Variants in AUTS2 observed in about 807,000 individuals in gnomAD.
The protein encoded by AUTS2 is activator of transcription and developmental regulator AUTS2, also known as autism susceptibility gene 2 protein.
AUTS2 carries 17 observed loss-of-function variants against 112.4 expected under a neutral mutation model. The observed-to-expected ratio is 0.15, with a 90% CI of 0.10 to 0.23. The LOEUF is 0.23. AUTS2 is among the 10% of genes least tolerant of loss of function. The pLI is 1.00. For synonymous variants in AUTS2, 751 were observed against 702.7 expected (o/e 1.07, Z -1.09); for missense variants, 1,510 against 1,701.6 (o/e 0.89, Z 1.98).
chr7:70,697,563 C>CG (rs1055150172), intron 5 of AUTS2, among the ~76,000 whole-genome samples: 2 of 137,262 alleles, frequency 1.5e-5, no homozygotes, highest in African/African-American at 5.2e-5. Context: ...TCAGAATTCC[C>CG]CCCCCCCATT....
At chr7:70,560,489 T>TG (rs1801437760) in intron 5 of AUTS2, among the ~76,000 whole-genome samples, 1 of 152,242 alleles carries the variant, frequency 6.6e-6, no homozygotes, top group Non-Finnish European at 1.5e-5. Flanking sequence ...ATGTTGGAAA[T>TG]GGAGTTTTAA....
chr7:70,756,054 G>A (rs1789177250), intron 6 of AUTS2, among the ~76,000 whole-genome samples: 1 of 152,036 alleles, frequency 6.6e-6, no homozygotes, highest in African/African-American at 2.4e-5. Flanking sequence ...GAGAATTAAA[G>A]TCAATGTTTA....
chr7:70,558,281 G>A (rs989957317), intron 5 of AUTS2, among the ~76,000 whole-genome samples: 3 of 152,112 alleles, frequency 2.0e-5, no homozygotes, highest in African/African-American at 4.8e-5. Context: ...GGAACAAATC[G>A]CCACTCATGC....
In AUTS2 at chr7:70,640,937, C is replaced by T. The variant is rs575664178; in HGVS notation, c.691-57632C>T. Among the ~76,000 whole-genome samples, 7 of 152,250 alleles carry T rather than the reference C, an allele frequency of 4.6e-5. No homozygotes were observed. The South Asian group carries it at 1.5e-3, about 32-fold the overall frequency. Reference sequence around the variant, plus strand: ...CCCAGCCTCCCGGGCTTCTGATCTCCCCCGTTCCACATGGCAGCCAGTGTG... The same window carrying T: ...CCCAGCCTCCCGGGCTTCTGATCTCTCCCGTTCCACATGGCAGCCAGTGTG... On this transcript the variant is annotated intron_variant, in intron 5 of 18. Transcript: ENST00000342771.
intron 2 of AUTS2, among the ~76,000 whole-genome samples, chr7:69,969,867 T>C (rs889659218): frequency 2.6e-5 from 4 of 152,132 alleles, no homozygotes; most frequent in Admixed American, 6.5e-5. Flanking sequence ...TATAAGAAAA[T>C]ACATCACACA....
At chr7:70,220,096 C>T (rs1366685975) in intron 4 of AUTS2, among the ~76,000 whole-genome samples, 1 of 152,094 alleles carries the variant, frequency 6.6e-6, no homozygotes, top group Non-Finnish European at 1.5e-5. Flanking sequence ...TCAGTCTTTG[C>T]CACAACCACT....
chr7:70,628,185 G>A (rs989183467), intron 5 of AUTS2, among the ~76,000 whole-genome samples: 1 of 152,088 alleles, frequency 6.6e-6, no homozygotes, highest in Non-Finnish European at 1.5e-5. Context: ...GTAAGCAGAG[G>A]CCAGATCAAA....
chr7:70,187,086 C>T (rs1809643480), intron 4 of AUTS2, among the ~76,000 whole-genome samples: 1 of 152,194 alleles, frequency 6.6e-6, no homozygotes, highest in South Asian at 2.1e-4. Context: ...AATCTAATTT[C>T]AACTTGAAAT....
intron 5 of AUTS2, among the ~76,000 whole-genome samples, chr7:70,493,437 A>G (rs1461007237): frequency 6.6e-6 from 1 of 152,136 alleles, no homozygotes; most frequent in Non-Finnish European, 1.5e-5. Flanking sequence ...GTGAAACCTC[A>G]TTTGGCTTGT....
At chr7:70,146,805 A>G (rs1807147998) in intron 4 of AUTS2, among the ~76,000 whole-genome samples, 1 of 152,168 alleles carries the variant, frequency 6.6e-6, no homozygotes, top group Non-Finnish European at 1.5e-5. Flanking sequence ...TGAATGCTCT[A>G]TACTTATCTA....
intron 2 of AUTS2, among the ~76,000 whole-genome samples, chr7:69,951,826 T>C (rs1326517163): frequency 7.2e-5 from 11 of 152,162 alleles, no homozygotes; most frequent in Admixed American, 5.9e-4. Flanking sequence ...AGGTCAGTTA[T>C]TTTAGAGAGG....
chr7:70,766,965 C>CA lies in AUTS2; in HGVS notation c.1689+632dup. Among the ~76,000 whole-genome samples the CA allele has an allele frequency of 6.6e-6, 1 of 152,352 alleles. No individual in the cohort carries two copies. Among genetic ancestry groups the CA allele is most frequent in the Non-Finnish European group, 1.5e-5 (1 of 68,034 alleles). Reference sequence around the variant, plus strand: ...GGGCAAGAGGAACCACTGGCCATGACATGGTCTTGCTTTAACTGGGGGCTA... The same window carrying CA: ...GGGCAAGAGGAACCACTGGCCATGACAATGGTCTTGCTTTAACTGGGGGCTA... On this transcript the variant is annotated intron_variant, in intron 9 of 18. Coordinates refer to ENST00000342771, the MANE Select transcript of AUTS2 (RefSeq NM_015570.4). The surrounding 1 kb of genome is among the most constrained non-coding windows in gnomAD (Gnocchi z 4.8).
intron 2 of AUTS2, among the ~76,000 whole-genome samples, chr7:70,094,656 A>G (rs1804095745): frequency 6.6e-6 from 1 of 152,192 alleles, no homozygotes; most frequent in African/African-American, 2.4e-5. Context: ...ATAAAGCAGT[A>G]TGGAAATGGC....
At chr7:70,460,696 A>T (rs1796928982) in intron 5 of AUTS2, among the ~76,000 whole-genome samples, 1 of 152,072 alleles carries the variant, frequency 6.6e-6, no homozygotes, top group African/African-American at 2.4e-5. Context: ...TATTGTGAGA[A>T]TCAGGCCTCT....
chr7:70,454,059 G>A (rs1796634954), intron 5 of AUTS2, among the ~76,000 whole-genome samples: 2 of 152,108 alleles, frequency 1.3e-5, no homozygotes, highest in African/African-American at 4.8e-5. Flanking sequence ...CTGTGGGTTG[G>A]CGTTGTGCTG....
intron 1 of AUTS2, among the ~76,000 whole-genome samples, chr7:69,783,489 C>T (rs1003437635): frequency 6.6e-6 from 1 of 152,046 alleles, no homozygotes; most frequent in Non-Finnish European, 1.5e-5. Context: ...TTGTTGTGCT[C>T]ACACTGATTT....
intron 5 of AUTS2, among the ~76,000 whole-genome samples, chr7:70,663,197 C>A (rs151098992): frequency 0.028 from 4,276 of 152,246 alleles, 206 homozygotes; most frequent in African/African-American, 0.097. Context: ...GAGTTTGAGA[C>A]CAGCCTGGCC....
At chr7:70,083,218 C>G (rs1370349811) in intron 2 of AUTS2, among the ~76,000 whole-genome samples, 1 of 152,100 alleles carries the variant, frequency 6.6e-6, no homozygotes, top group Non-Finnish European at 1.5e-5. Context: ...CAGAGGAAGT[C>G]CTGAGGGAAC....
intron 5 of AUTS2, among the ~76,000 whole-genome samples, chr7:70,449,278 T>A (rs1421316225): frequency 6.6e-6 from 1 of 152,198 alleles, no homozygotes; most frequent in Non-Finnish European, 1.5e-5. Context: ...CATCCACTTT[T>A]CAGTTTTAGC....
Sources: allele counts gnomAD v4.1 joint callset (sites outside exome capture counted in the v4.1 genomes callset), GRCh38; gene constraint gnomAD v4.1.1; non-coding constraint Gnocchi (gnomAD v3.1); transcripts MANE v1.5; gene names NCBI Gene and HGNC (gene_info 2026-07-23, HGNC 2026-07-21).